Variants in AUTS2 observed in about 807,000 individuals in gnomAD.
The protein encoded by AUTS2 is autism susceptibility gene 2 protein.
A neutral mutation model predicts 112.4 loss-of-function variants in AUTS2; 17 were observed. The ratio of observed to expected loss-of-function variants is 0.15; its 90% CI spans 0.10 to 0.23. AUTS2 has a LOEUF of 0.23. Among genes scored for constraint, AUTS2 ranks in the 10% least tolerant of loss-of-function variants. AUTS2 has a pLI of 1.00. For synonymous variants in AUTS2, 751 were observed against 702.7 expected, an observed-to-expected ratio of 1.07 and a Z score of -1.09; for missense variants, 1,510 against 1,701.6, an observed-to-expected ratio of 0.89 and a Z score of 1.98.
chr7:69,827,437 A>G (rs1337159272), intron 1 of AUTS2, among the ~76,000 whole-genome samples: 3 of 152,094 alleles, frequency 2.0e-5, no homozygotes, highest in African/African-American at 7.2e-5. Flanking sequence ...TAGAGGGGGA[A>G]AAAGAAGAGG....
chr7:69,877,874 G>A (rs1478218358), intron 1 of AUTS2, among the ~76,000 whole-genome samples: 2 of 152,192 alleles, frequency 1.3e-5, no homozygotes, highest in Non-Finnish European at 2.9e-5. Context: ...GAGGCACGTA[G>A]TGAAGAATGA....
rs181210381 is a variant in AUTS2 at position 70,171,527 on chromosome 7, T to A, written c.660+36956T>A. On this transcript the variant is annotated intron_variant, in intron 4 of 18. Transcript: ENST00000342771. Reference sequence around the variant, plus strand: ...ACATCACTTACATTTCATAGCTCAGTGCAATTTTCATAAACTGCGAGGCAA... The same window carrying A: ...ACATCACTTACATTTCATAGCTCAGAGCAATTTTCATAAACTGCGAGGCAA... 3.0e-3 allele frequency among the ~76,000 whole-genome samples: 463 copies of A among 152,328 alleles called. 2 individuals carry two copies. The highest frequency in any genetic ancestry group is 5.3e-3 in the Admixed American group (81 of 15,296).
intron 1 of AUTS2, among the ~76,000 whole-genome samples, chr7:69,784,156 C>T (rs1584242004): frequency 6.6e-6 from 1 of 152,292 alleles, no homozygotes; most frequent in East Asian, 1.9e-4. Context: ...GTAAAATTCT[C>T]CAGGCTGCTT....
intron 5 of AUTS2, among the ~76,000 whole-genome samples, chr7:70,537,565 C>T (rs907935877): frequency 2.0e-5 from 3 of 152,140 alleles, no homozygotes; most frequent in African/African-American, 7.2e-5. Flanking sequence ...TTTAAAGATC[C>T]TAGTGACTGA....
chr7:69,951,221 G>A (rs1797013559), intron 2 of AUTS2, among the ~76,000 whole-genome samples: 1 of 151,954 alleles, frequency 6.6e-6, no homozygotes, highest in Admixed American at 6.6e-5. Flanking sequence ...GGCTTCCTAA[G>A]TTGTTTCAGC....
Position 69,994,962 on chromosome 7 carries a change from G to A in AUTS2, c.522+95464G>A, listed in dbSNP as rs145453170. Among the ~76,000 whole-genome samples, 6 of 152,240 alleles carry A rather than the reference G, an allele frequency of 3.9e-5. No individual in the cohort carries two copies. The East Asian group carries it at 7.7e-4, about 20-fold the overall frequency. On this transcript the variant is annotated intron_variant, in intron 2 of 18. Transcript: ENST00000342771. ...ATTGAGACTTCCATTACTTTGTAGCGCCTGACTGCTAGAATTGTTCCCAGA... is the reference window on the plus strand; with the variant it reads ...ATTGAGACTTCCATTACTTTGTAGCACCTGACTGCTAGAATTGTTCCCAGA...
At chr7:70,511,162 T>C (rs1441624997) in intron 5 of AUTS2, among the ~76,000 whole-genome samples, 2 of 152,084 alleles carry the variant, frequency 1.3e-5, no homozygotes, top group Admixed American at 6.5e-5. Flanking sequence ...AATTTTTAAT[T>C]AGCATAGCAA....
chr7:70,549,383 G>T (rs1800927175), intron 5 of AUTS2, among the ~76,000 whole-genome samples: 1 of 151,992 alleles, frequency 6.6e-6, no homozygotes, highest in South Asian at 2.1e-4. Context: ...CAGAATTTTA[G>T]GAATTAAAAC....
chr7:69,741,877 C>T (rs1001881849), intron 1 of AUTS2, among the ~76,000 whole-genome samples: 1 of 151,842 alleles, frequency 6.6e-6, no homozygotes, highest in South Asian at 2.1e-4. Context: ...GATATTGGCT[C>T]ACTGCAGCCT....
intron 5 of AUTS2, among the ~76,000 whole-genome samples, chr7:70,667,253 CTACT>C (rs929107363): frequency 6.6e-6 from 1 of 152,198 alleles, no homozygotes; most frequent in African/African-American, 2.4e-5. Flanking sequence ...TTACTGTTTC[CTACT>C]TACTCATTTA....
chr7:70,318,602 T>A (rs1185883421), intron 4 of AUTS2, among the ~76,000 whole-genome samples: 1 of 152,226 alleles, frequency 6.6e-6, no homozygotes, highest in Non-Finnish European at 1.5e-5. Context: ...TTCTGCCCCA[T>A]GCTGTTAATT....
chr7:70,309,385 G>C (rs1789635339), intron 4 of AUTS2, among the ~76,000 whole-genome samples: 1 of 152,108 alleles, frequency 6.6e-6, no homozygotes, highest in South Asian at 2.1e-4. Flanking sequence ...TAAAGAATAT[G>C]AATATATGAA....
At chr7:70,705,729 G>T (rs1369200761) in intron 6 of AUTS2, among the ~76,000 whole-genome samples, 1 of 152,146 alleles carries the variant, frequency 6.6e-6, no homozygotes. Flanking sequence ...GTATGAAGTG[G>T]CCCAGAAAGT....
intron 1 of AUTS2, among the ~76,000 whole-genome samples, chr7:69,879,120 C>CTGTGTGTG (rs5884770): frequency 3.0e-4 from 44 of 147,818 alleles, no homozygotes; most frequent in African/African-American, 9.2e-4. Context: ...TTGAGACTTT[C>CTGTGTGTG]TGTGTGTGTG....
intron 4 of AUTS2, among the ~76,000 whole-genome samples, chr7:70,318,577 C>T (rs567715244): frequency 1.3e-5 from 2 of 152,300 alleles, no homozygotes; most frequent in South Asian, 2.1e-4. Flanking sequence ...GTCTTTCAGA[C>T]ATCCTACCAC....
intron 4 of AUTS2, among the ~76,000 whole-genome samples, chr7:70,176,420 A>G (rs1808990163): frequency 6.6e-6 from 1 of 152,178 alleles, no homozygotes; most frequent in African/African-American, 2.4e-5. Flanking sequence ...TCTTAACTCT[A>G]GAGACAGTCT....
At chr7:69,919,714 C>T (rs755620496) in intron 2 of AUTS2, among the ~76,000 whole-genome samples, 6 of 152,078 alleles carry the variant, frequency 3.9e-5, no homozygotes, top group Admixed American at 6.6e-5. Context: ...TCTTCTAACA[C>T]TGTGAAGATG....
At chr7:70,435,223 A>G (rs781340619) in intron 4 of AUTS2, among the ~76,000 whole-genome samples, 9 of 152,220 alleles carry the variant, frequency 5.9e-5, no homozygotes, top group Non-Finnish European at 1.0e-4. Context: ...AGCCTTGGCC[A>G]TTATGTTCTG....
At chr7:69,721,141 G>A (rs1798909007) in intron 1 of AUTS2, among the ~76,000 whole-genome samples, 1 of 152,174 alleles carries the variant, frequency 6.6e-6, no homozygotes, top group Non-Finnish European at 1.5e-5. Context: ...TTTGAGCAGG[G>A]TGTTGCTTAT....
Sources: gnomAD v4.1 joint callset for allele counts (sites outside exome capture counted in the v4.1 genomes callset) on GRCh38, gnomAD v4.1.1 for gene constraint, MANE v1.5 for transcripts, NCBI Gene and HGNC (gene_info 2026-07-23, HGNC 2026-07-21) for gene names.